Variants in CC2D2B observed in about 807,000 individuals in gnomAD.
The protein encoded by CC2D2B is protein CC2D2B.
A neutral mutation model predicts 161.2 loss-of-function variants in CC2D2B; 128 were observed. The observed-to-expected ratio is 0.79, with a 90% CI of 0.69 to 0.92. The LOEUF is 0.92. Among genes scored for constraint, CC2D2B ranks in the 40% least tolerant of loss-of-function variants. The pLI, the probability that CC2D2B is intolerant of heterozygous loss-of-function variation, is 0.00. For missense variants in CC2D2B, 1,173 were observed against 1,375.1 expected, an observed-to-expected ratio of 0.85 and a Z score of 2.32; for synonymous variants, 391 against 449.8, an observed-to-expected ratio of 0.87 and a Z score of 1.65.
chr10:95,953,117 A>G (rs553771874), intron 10 of CC2D2B, among the ~76,000 whole-genome samples: 348 of 152,316 alleles, frequency 2.3e-3, no homozygotes, highest in Non-Finnish European at 3.5e-3. Flanking sequence ...ATGTAAGTCC[A>G]TAAAAGAAGT....
At chr10:95,926,458 C>T (rs1452151129) in intron 5 of CC2D2B, among the ~76,000 whole-genome samples, 2 of 151,504 alleles carry the variant, frequency 1.3e-5, no homozygotes, top group East Asian at 1.9e-4. Flanking sequence ...AGTGTAGATA[C>T]AAACAATATA....
intron 29 of CC2D2B, among the ~76,000 whole-genome samples, chr10:96,014,443 G>A (rs999256205): frequency 2.0e-5 from 3 of 152,196 alleles, no homozygotes; most frequent in Admixed American, 2.0e-4. Context: ...AGAGTATTTA[G>A]AGTATTTCTT....
rs1564683762 is a variant in CC2D2B, at chr10:96,025,170, T to TAAAAAAAAA, written c.3947+260_3947+261insAAAAAAAAA. On this transcript the variant is annotated intron_variant, in intron 33 of 34. Transcript: ENST00000646931. ...CTAAAAAAAAATATATATATATATATATATATATATATATAAAAAAAAATA... is the reference window on the plus strand; with the variant it reads ...CTAAAAAAAAATATATATATATATATAAAAAAAAAATATATATATATATAAAAAAAAATA... Among the ~76,000 whole-genome samples the TAAAAAAAAA allele has an allele frequency of 5.2e-3, 100 of 19,296 alleles. 1 individual carries two copies. Among genetic ancestry groups the TAAAAAAAAA allele is most frequent in the African/African-American group, 0.018 (85 of 4,730 alleles). The allele number at this position is 19,296 out of a possible 152,430, so 12.7% of individuals were successfully genotyped here.
At chr10:95,976,176 C>A (rs1231651271) in intron 17 of CC2D2B, among the ~76,000 whole-genome samples, 11 of 152,162 alleles carry the variant, frequency 7.2e-5, no homozygotes, top group Admixed American at 6.5e-4. Context: ...CTGATTAAAT[C>A]CTGAAGCCCA....
chr10:96,028,735 C>G (rs1312540289), intron 34 of CC2D2B, among the ~76,000 whole-genome samples: 1 of 152,094 alleles, frequency 6.6e-6, no homozygotes, highest in Non-Finnish European at 1.5e-5. Context: ...AAGTGTCCAT[C>G]AATAGATGAA....
At chr10:95,965,500 C>T (rs1315902867) in intron 12 of CC2D2B, among the ~76,000 whole-genome samples, 5 of 151,884 alleles carry the variant, frequency 3.3e-5, no homozygotes, top group Non-Finnish European at 4.4e-5. Flanking sequence ...GATCACCTGC[C>T]CTTATACCTG....
At chr10:96,014,472 T>G (rs1257360615) in intron 29 of CC2D2B, among the ~76,000 whole-genome samples, 3 of 152,232 alleles carry the variant, frequency 2.0e-5, no homozygotes, top group Non-Finnish European at 4.4e-5. Context: ...GCTTAAATCA[T>G]GTTTGTGTCA....
intron 34 of CC2D2B, among the ~76,000 whole-genome samples, chr10:96,029,422 TG>T (rs2079970982): frequency 6.6e-6 from 1 of 151,530 alleles, no homozygotes; most frequent in Admixed American, 6.6e-5. Flanking sequence ...CCATGTTGCA[TG>T]GCATTAACTT....
chr10:96,030,860 C>T (rs2080036597), intron 34 of CC2D2B, among the ~76,000 whole-genome samples: 1 of 152,124 alleles, frequency 6.6e-6, no homozygotes, highest in South Asian at 2.1e-4. Context: ...AATACATAGT[C>T]TACAATAAAA....
At chr10:95,942,252 A>G (rs2076048178) in intron 9 of CC2D2B, among the ~76,000 whole-genome samples, 2 of 152,144 alleles carry the variant, frequency 1.3e-5, no homozygotes, top group Non-Finnish European at 2.9e-5. Context: ...ATGGTACAAC[A>G]TTGTGCTTAT....
At chr10:96,000,073 G>A (rs147545876) in intron 24 of CC2D2B, 21 of 1,483,928 alleles carry the variant, frequency 1.4e-5, no homozygotes, top group East Asian at 5.6e-5. Context: ...CAGTTTTGCC[G>A]TGGTAACACC....
At chr10:96,029,372 A>G (rs1422400217) in intron 34 of CC2D2B, among the ~76,000 whole-genome samples, 2 of 149,400 alleles carry the variant, frequency 1.3e-5, no homozygotes, top group Non-Finnish European at 3.0e-5. Context: ...TTACTTATAA[A>G]CCAAGAAACT....
At chr10:95,982,752 G>A (rs2141599074) in intron 18 of CC2D2B, among the ~76,000 whole-genome samples, 1 of 151,788 alleles carries the variant, frequency 6.6e-6, no homozygotes, top group African/African-American at 2.4e-5. Flanking sequence ...TTTACTATAG[G>A]TTTCTTTGTT....
At chr10:96,031,170 CAG>C (rs1226454928) in intron 34 of CC2D2B, among the ~76,000 whole-genome samples, 4 of 152,042 alleles carry the variant, frequency 2.6e-5, no homozygotes, top group Admixed American at 2.6e-4. Flanking sequence ...TGTACATCTG[CAG>C]AGATTATGGG....
intron 29 of CC2D2B, 40 bp downstream of exon 29, chr10:96,013,917 G>C (rs1244392314): frequency 1.0e-6 from 1 of 956,968 alleles, no homozygotes; most frequent in African/African-American, 1.7e-5. Flanking sequence ...GAAATATATA[G>C]TATTTCTTTT....
chr10:96,025,911 G>GC (rs2079751081), intron 33 of CC2D2B, among the ~76,000 whole-genome samples: 1 of 152,034 alleles, frequency 6.6e-6, no homozygotes, highest in Admixed American at 6.6e-5. Context: ...TCTCCCCCCA[G>GC]CCCCCCAGCT....
At chr10:95,973,544 T>A (rs2077209655) in intron 16 of CC2D2B, among the ~76,000 whole-genome samples, 1 of 151,924 alleles carries the variant, frequency 6.6e-6, no homozygotes, top group Non-Finnish European at 1.5e-5. Context: ...AGAGAGGAGA[T>A]GAGGGAGAGC....
chr10:95,924,717 C>T, intron 4 of CC2D2B, 62 bp from the exon 5 acceptor site: 1 of 1,141,302 alleles, frequency 8.8e-7, no homozygotes, highest in Non-Finnish European at 1.3e-6. Context: ...AAATTTTGGA[C>T]AAAAGACTTA....
chr10:95,908,658 A>C (rs1187299609), intron 1 of CC2D2B, among the ~76,000 whole-genome samples: 1 of 151,894 alleles, frequency 6.6e-6, no homozygotes, highest in Non-Finnish European at 1.5e-5. Flanking sequence ...TTAGATGGGG[A>C]AGTGATGTGA....
Sources: allele counts gnomAD v4.1 joint callset (sites outside exome capture counted in the v4.1 genomes callset), GRCh38; gene constraint gnomAD v4.1.1; transcripts MANE v1.5; gene names NCBI Gene and HGNC (gene_info 2026-07-23, HGNC 2026-07-21).